Variants in SNX8 observed in about 807,000 individuals in gnomAD.
The protein encoded by SNX8 is sorting nexin 8.
A neutral mutation model predicts 51.6 loss-of-function variants in SNX8; 25 were observed. The ratio of observed to expected loss-of-function variants is 0.48; its 90% CI spans 0.35 to 0.68. The LOEUF is 0.68. Ranked by LOEUF, SNX8 falls within the 30% of genes least tolerant of loss-of-function variation. The pLI is 0.00. For synonymous variants in SNX8, 324 were observed against 277.0 expected, an observed-to-expected ratio of 1.17 and a Z score of -1.68; for missense variants, 695 against 624.0, an observed-to-expected ratio of 1.11 and a Z score of -1.21.
intron 1 of SNX8, among the ~76,000 whole-genome samples, chr7:2,340,251 T>A (rs1583124228): frequency 6.6e-6 from 1 of 150,430 alleles, no homozygotes; most frequent in East Asian, 2.0e-4. Flanking sequence ...TTTTTTTTTT[T>A]ATTATAGATG....
intron 1 of SNX8, among the ~76,000 whole-genome samples, chr7:2,337,561 A>G (rs565227382): frequency 2.0e-5 from 3 of 152,318 alleles, no homozygotes; most frequent in African/African-American, 7.2e-5. Flanking sequence ...AAAATAATCC[A>G]TAATAAAATT....
At chr7:2,329,280 TAAATAA>T (rs1283773132) in intron 1 of SNX8, among the ~76,000 whole-genome samples, 3 of 147,342 alleles carry the variant, frequency 2.0e-5, no homozygotes, top group South Asian at 2.2e-4. Flanking sequence ...AAAAAATAAA[TAAATAA>T]AAATAAAAAT....
chr7:2,314,451 C>G (rs542728011), upstream of SNX8: 1,838 of 1,202,964 alleles, frequency 1.5e-3, 26 homozygotes, highest in African/African-American at 0.016. Flanking sequence ...TGACTTCCTC[C>G]CGCGCCACCC....
chr7:2,347,951 C>T (rs1452643146), intron 1 of SNX8, among the ~76,000 whole-genome samples: 1 of 152,028 alleles, frequency 6.6e-6, no homozygotes, highest in Non-Finnish European at 1.5e-5. Context: ...CCACACTGGA[C>T]CCTTTGAATC....
upstream of SNX8, among the ~76,000 whole-genome samples, chr7:2,317,554 G>A (rs1330647609): frequency 6.6e-6 from 1 of 151,956 alleles, no homozygotes; most frequent in Non-Finnish European, 1.5e-5. Flanking sequence ...TGGGATTACA[G>A]GTGTGAGCCA....
At chr7:2,262,839 C>T (rs1041918739) in intron 7 of SNX8, among the ~76,000 whole-genome samples, 1 of 152,204 alleles carries the variant, frequency 6.6e-6, no homozygotes, top group African/African-American at 2.4e-5. Context: ...GGAAGCCGGC[C>T]GGGCACAGTG....
chr7:2,286,704 G>A (rs1245463696), intron 1 of SNX8, among the ~76,000 whole-genome samples: 1 of 151,324 alleles, frequency 6.6e-6, no homozygotes, highest in Non-Finnish European at 1.5e-5. Flanking sequence ...ATTTTTAGTA[G>A]AGATGGGGTT....
intron 1 of SNX8, among the ~76,000 whole-genome samples, chr7:2,325,974 A>C (rs1778616466): frequency 6.6e-6 from 1 of 152,226 alleles, no homozygotes; most frequent in Non-Finnish European, 1.5e-5. Flanking sequence ...GCAAAGCCAA[A>C]CTTATAAATT....
chr7:2,268,042 GCCACCC>G (rs1795521110), intron 5 of SNX8, among the ~76,000 whole-genome samples: 1 of 140,438 alleles, frequency 7.1e-6, no homozygotes, highest in South Asian at 2.3e-4. Context: ...TGCCCGGCCA[GCCACCC>G]CGTCCGGGAG....
intron 1 of SNX8, among the ~76,000 whole-genome samples, chr7:2,341,069 CTG>C (rs977337748): frequency 1.3e-5 from 2 of 149,608 alleles, no homozygotes; most frequent in Admixed American, 6.7e-5. Flanking sequence ...ACTCAAGAAA[CTG>C]AGGTGGGAGG....
At chr7:2,274,529 A>C (rs189957078) in intron 3 of SNX8, among the ~76,000 whole-genome samples, 9 of 152,312 alleles carry the variant, frequency 5.9e-5, no homozygotes, top group African/African-American at 2.2e-4. Flanking sequence ...AGGCCTGGGG[A>C]GCAGCTCTGA....
chr7:2,342,191 T>A (rs1157880909), intron 1 of SNX8, among the ~76,000 whole-genome samples: 1 of 150,194 alleles, frequency 6.7e-6, no homozygotes, highest in Admixed American at 6.7e-5. Context: ...AAAAAAATAA[T>A]AATAAATAAT....
intron 1 of SNX8, among the ~76,000 whole-genome samples, chr7:2,293,027 A>C (rs958837911): frequency 6.6e-6 from 1 of 151,770 alleles, no homozygotes; most frequent in African/African-American, 2.4e-5. Flanking sequence ...ACCTAAAAAT[A>C]ATAAGTAAAT....
chr7:2,271,630 C>T (rs1169184086), intron 4 of SNX8, among the ~76,000 whole-genome samples: 1 of 152,186 alleles, frequency 6.6e-6, no homozygotes, highest in Admixed American at 6.6e-5. Context: ...GATCTCCACG[C>T]GGATTTACAA....
chr7:2,315,845 C>CGCAA (rs1371003073), upstream of SNX8, among the ~76,000 whole-genome samples: 1 of 147,876 alleles, frequency 6.8e-6, no homozygotes. Context: ...CATTCATTCA[C>CGCAA]TCACTCACTA....
At position 2,263,452 on chromosome 7, in the gene SNX8, C is replaced by T. The variant is rs1584671467; in HGVS notation, c.783-90G>A. The T allele has an allele frequency of 2.3e-6, 3 of 1,310,810 alleles. No homozygotes were observed. In the East Asian group the frequency reaches 7.7e-5, roughly 34 times the overall value. 81.2% of individuals were successfully genotyped at this position (1,310,810 alleles called of 1,614,324 possible). A position where few individuals can be genotyped will look rare whatever the true frequency, so the allele number is the denominator to read the frequency against. On this transcript the variant is annotated intron_variant, in intron 6 of 10. Coordinates refer to ENST00000222990, the MANE Select transcript of SNX8 (RefSeq NM_013321.4). The stretch of plus-strand genomic sequence containing the variant: ...TGGCATCCCCCCCGACAGATGTCCT[C>T]CACGGCAACCTGCGTGACCCCGTCC...
At chr7:2,257,650 C>T in intron 8 of SNX8, 85 bp downstream of exon 8, 1 of 1,567,662 alleles carries the variant, frequency 6.4e-7, no homozygotes, top group Admixed American at 1.7e-5. Context: ...AGCTCCTCTT[C>T]CGTCCCCCAG....
intron 1 of SNX8, among the ~76,000 whole-genome samples, chr7:2,353,348 C>T (rs1309811700): frequency 2.6e-5 from 4 of 151,988 alleles, no homozygotes; most frequent in Admixed American, 6.6e-5. Context: ...ATTATGCCAC[C>T]GCACTCTAGC....
chr7:2,344,459 A>G (rs925109463), intron 1 of SNX8, among the ~76,000 whole-genome samples: 1 of 150,894 alleles, frequency 6.6e-6, no homozygotes, highest in Admixed American at 6.6e-5. Flanking sequence ...AAAATACAAA[A>G]AAATTAGCCG....
Sources: allele counts gnomAD v4.1 joint callset (sites outside exome capture counted in the v4.1 genomes callset), GRCh38; gene constraint gnomAD v4.1.1; transcripts MANE v1.5; gene names NCBI Gene and HGNC (gene_info 2026-07-23, HGNC 2026-07-21).